The following ITGB3BP variants were observed in gnomAD, a reference collection of about 807,000 sequenced individuals.
ITGB3BP encodes centromere protein R.
A neutral mutation model predicts 29.1 loss-of-function variants in ITGB3BP; 27 were observed. The ratio of observed to expected loss-of-function variants is 0.93; its 90% CI spans 0.68 to 1.28. The LOEUF is 1.28. ITGB3BP is among the 50% of genes most tolerant of loss of function. ITGB3BP has a pLI of 0.00. For synonymous variants in ITGB3BP, 61 were observed against 61.4 expected (o/e 0.99, Z 0.03); for missense variants, 192 against 200.2 (o/e 0.96, Z 0.25).
At chr1:63,515,982 T>C (rs1646310451) in intron 1 of ITGB3BP, among the ~76,000 whole-genome samples, 2 of 151,836 alleles carry the variant, frequency 1.3e-5, no homozygotes, top group African/African-American at 4.8e-5. Flanking sequence ...GGAATCATCT[T>C]GTGTCCATCA....
intron 2 of ITGB3BP, among the ~76,000 whole-genome samples, chr1:63,498,391 A>G (rs1030690597): frequency 2.6e-5 from 4 of 152,202 alleles, no homozygotes; most frequent in Admixed American, 1.3e-4. Flanking sequence ...TAGAATGACA[A>G]TAAAAATAAC....
chr1:63,522,645 A>G (rs187156544), intron 1 of ITGB3BP, among the ~76,000 whole-genome samples: 1 of 151,192 alleles, frequency 6.6e-6, no homozygotes, highest in East Asian at 1.9e-4. Flanking sequence ...TTGTGTAAGT[A>G]AAAAAAAACG....
chr1:63,473,599 G>A (rs1484506633), intron 4 of ITGB3BP, among the ~76,000 whole-genome samples: 3 of 131,540 alleles, frequency 2.3e-5, no homozygotes, highest in Non-Finnish European at 3.3e-5. Flanking sequence ...CCGGCCAGCC[G>A]CCCCGTCCGG....
chr1:63,489,956 G>T (rs1407854901), intron 3 of ITGB3BP, 127 bp downstream of exon 3: 4 of 766,258 alleles, frequency 5.2e-6, no homozygotes, highest in East Asian at 5.6e-5. Flanking sequence ...CTATATTAAG[G>T]TATTAAATTA....
chr1:63,479,359 G>A (rs1049787545), intron 3 of ITGB3BP, among the ~76,000 whole-genome samples: 3 of 152,054 alleles, frequency 2.0e-5, no homozygotes, highest in Admixed American at 6.6e-5. Flanking sequence ...TATTTACAGT[G>A]TATAACATGT....
chr1:63,523,057 C>G, intron 1 of ITGB3BP, 72 bp downstream of exon 1: 3 of 1,566,522 alleles, frequency 1.9e-6, no homozygotes, highest in Non-Finnish European at 2.6e-6. Flanking sequence ...AGAAAGGCTA[C>G]TGGGCCACAT....
rs931316900 is a variant in ITGB3BP at position 63,472,020 on chromosome 1, G to A, written c.254+6744C>T. Among the ~76,000 whole-genome samples the A allele has an allele frequency of 2.7e-5, 4 of 150,700 alleles. 1 individual carries two copies. Among genetic ancestry groups the A allele is most frequent in the East Asian group, 2.0e-4 (1 of 5,064 alleles). On this transcript the variant is annotated intron_variant, in intron 4 of 8. Transcript: ENST00000271002. ...GGCTGGTCTCAAGCTCCTAGACCTCGTCATCCGCCCGCCTCAGCCTCCCAA... is the reference window on the plus strand; with the variant it reads ...GGCTGGTCTCAAGCTCCTAGACCTCATCATCCGCCCGCCTCAGCCTCCCAA...
At chr1:63,523,317 G>T, upstream of ITGB3BP, 1 of 736,606 alleles carries the variant, frequency 1.4e-6, no homozygotes, top group Non-Finnish European at 2.3e-6. Flanking sequence ...CGCGAGCAAA[G>T]GAGCGAGCGG....
intron 7 of ITGB3BP, among the ~76,000 whole-genome samples, chr1:63,448,080 C>G (rs1449336078): frequency 6.8e-6 from 1 of 147,008 alleles, no homozygotes; most frequent in Non-Finnish European, 1.5e-5. Flanking sequence ...ATTGCAAGGA[C>G]AAAAAACCAA....
intron 2 of ITGB3BP, among the ~76,000 whole-genome samples, chr1:63,498,619 C>T (rs1645848125): frequency 6.6e-6 from 1 of 150,396 alleles, no homozygotes; most frequent in African/African-American, 2.4e-5. Context: ...GCTCTCATAT[C>T]AATAACCTAA....
chr1:63,492,915 C>A (rs1645686395), intron 2 of ITGB3BP, among the ~76,000 whole-genome samples: 1 of 150,128 alleles, frequency 6.7e-6, no homozygotes, highest in South Asian at 2.1e-4. Context: ...TTGAAACCAG[C>A]CTGAGCAACA....
chr1:63,513,123 AC>A (rs764841677), intron 1 of ITGB3BP, among the ~76,000 whole-genome samples: 1 of 152,148 alleles, frequency 6.6e-6, no homozygotes, highest in Non-Finnish European at 1.5e-5. Context: ...ATAAATTTTG[AC>A]CATTAAGATA....
At chr1:63,445,494 A>G (rs1243340229) in intron 8 of ITGB3BP, among the ~76,000 whole-genome samples, 1 of 152,202 alleles carries the variant, frequency 6.6e-6, no homozygotes, top group Non-Finnish European at 1.5e-5. Context: ...CACTTGAGAT[A>G]CCATTTCCAA....
chr1:63,472,222 T>C (rs1201858769), intron 4 of ITGB3BP, among the ~76,000 whole-genome samples: 2 of 152,072 alleles, frequency 1.3e-5, no homozygotes, highest in Non-Finnish European at 2.9e-5. Flanking sequence ...CAACATCTCA[T>C]GGTGAGTTTC....
intron 4 of ITGB3BP, among the ~76,000 whole-genome samples, chr1:63,473,564 G>C (rs1390576376): frequency 9.9e-6 from 1 of 100,850 alleles, no homozygotes; most frequent in Non-Finnish European, 2.2e-5. Flanking sequence ...CATCTGGGAG[G>C]GGGGAGGGGG....
chr1:63,501,906 T>A (rs936295555), intron 2 of ITGB3BP, among the ~76,000 whole-genome samples: 1 of 151,158 alleles, frequency 6.6e-6, no homozygotes, highest in African/African-American at 2.4e-5. Context: ...TGGAGTACCC[T>A]TGACTGGATA....
chr1:63,525,466 C>A, upstream of ITGB3BP: 1 of 883,714 alleles, frequency 1.1e-6, no homozygotes, highest in Non-Finnish European at 1.6e-6. Flanking sequence ...AAATTTTCTT[C>A]TATGTATAAA....
chr1:63,523,496 G>C (rs1646512857), upstream of ITGB3BP: 1 of 333,302 alleles, frequency 3.0e-6, no homozygotes, highest in Non-Finnish European at 5.7e-6. Context: ...GAAGGGCTCT[G>C]CATCTTATTT....
At chr1:63,458,179 C>T (rs1273490804) in intron 4 of ITGB3BP, 1 of 152,126 alleles carries the variant, frequency 6.6e-6, no homozygotes, top group Non-Finnish European at 1.5e-5. Flanking sequence ...GCTTTTCCTT[C>T]CTTCTACATT....
Sources: gnomAD v4.1 joint callset for allele counts (sites outside exome capture counted in the v4.1 genomes callset) on GRCh38, gnomAD v4.1.1 for gene constraint, MANE v1.5 for transcripts, NCBI Gene and HGNC (gene_info 2026-07-23, HGNC 2026-07-21) for gene names.